Variants in BICRAL observed in about 807,000 individuals in gnomAD.
BICRAL encodes BICRA like chromatin remodeling complex associated protein, also known as BRD4-interacting chromatin-remodeling complex-associated protein-like.
Under a neutral mutation model 91.8 loss-of-function variants are expected in BICRAL, and 8 were observed. That is an observed-to-expected ratio of 0.09 (90% CI 0.05 to 0.16). The LOEUF is 0.16. Ranked by LOEUF, BICRAL falls within the 10% of genes least tolerant of loss-of-function variation. BICRAL has a pLI of 1.00. For missense variants in BICRAL, 1,038 were observed against 1,310.9 expected, an observed-to-expected ratio of 0.79 and a Z score of 3.21; for synonymous variants, 445 against 491.1, an observed-to-expected ratio of 0.91 and a Z score of 1.24.
intron 5 of BICRAL, among the ~76,000 whole-genome samples, chr6:42,826,491 T>C (rs1764307938): frequency 6.6e-6 from 1 of 151,988 alleles, no homozygotes; most frequent in East Asian, 1.9e-4. Flanking sequence ...CGCCTCGGCC[T>C]CCCAAAGTGC....
intron 6 of BICRAL, among the ~76,000 whole-genome samples, chr6:42,851,698 G>A (rs571113220): frequency 6.6e-6 from 1 of 152,266 alleles, no homozygotes; most frequent in East Asian, 1.9e-4. Flanking sequence ...CCAGGTGCTT[G>A]GAGTCTGTGC....
rs1426337749 is a variant in BICRAL at position 42,864,681 on chromosome 6, T to C, written c.2475T>C (p.Cys825=). ...CAGAGGGTTTTCAGGCTGATTTCTG[T>C]TGTTCCTTCAAACTTGATAAAGCTG... The part of the protein sequence containing the change: ...VDPEGFQADF[C]CSFKLDKAAH... Residue 825 remains cysteine (C), a synonymous_variant, in exon 13 of 13, where the codon TGT becomes TGC. Coordinates refer to ENST00000314073, the MANE Select transcript of BICRAL (RefSeq NM_001393499.1). 1 of 1,613,914 alleles carries C rather than the reference T, an allele frequency of 6.2e-7. No individual in the cohort carries two copies. The highest frequency in any genetic ancestry group is 8.5e-7 in the Non-Finnish European group (1 of 1,179,834).
intron 1 of BICRAL, among the ~76,000 whole-genome samples, chr6:42,798,055 A>G (rs1763461950): frequency 6.6e-6 from 1 of 152,218 alleles, no homozygotes; most frequent in South Asian, 2.1e-4. Context: ...GGATGGAGGC[A>G]GAGGTCATTA....
intron 1 of BICRAL, among the ~76,000 whole-genome samples, chr6:42,801,249 TAAA>T (rs386406867): frequency 3.7e-5 from 5 of 134,478 alleles, no homozygotes; most frequent in Non-Finnish European, 3.2e-5. Context: ...AGACTCTGTT[TAAA>T]AAAAAAAAAA....
chr6:42,838,472 G>A (rs763054162), intron 6 of BICRAL, among the ~76,000 whole-genome samples: 3 of 152,230 alleles, frequency 2.0e-5, no homozygotes, highest in Middle Eastern at 3.4e-3. Flanking sequence ...AGATTTCTCC[G>A]CAAGGGTCTC....
Position 42,829,315 on chromosome 6 carries a change from G to A in BICRAL, c.982G>A (p.Val328Met). ...IQMGQQNTYN[V>M]NNLGIQQHHV... ...GATGGGTCAGCAAAATACATACAAT[G>A]TGAACAATTTGGGAATTCAGCAGCA... Residue 328 changes from valine to methionine, a missense_variant, in exon 6 of 13, where the codon GTG (valine) becomes ATG (methionine). Val to Met is a conservative substitution (Grantham distance 21, BLOSUM62 1). Around this residue, in one of 5 missense-constraint regions of BICRAL, gnomAD observed 532 missense variants for 724.9 expected, o/e 0.73. Transcript: ENST00000314073. 4 of 1,614,208 alleles carry A rather than the reference G, an allele frequency of 2.5e-6. No homozygotes were observed. The highest frequency in any genetic ancestry group is 3.4e-6 in the Non-Finnish European group (4 of 1,180,046).
chr6:42,842,968 C>G (rs1010484018), intron 6 of BICRAL, among the ~76,000 whole-genome samples: 1 of 152,056 alleles, frequency 6.6e-6, no homozygotes, highest in African/African-American at 2.4e-5. Context: ...ATTCTCCTGC[C>G]TCAGCCTCCC....
chr6:42,769,518 C>T (rs547928730), intron 1 of BICRAL, among the ~76,000 whole-genome samples: 130 of 152,310 alleles, frequency 8.5e-4, no homozygotes, highest in Admixed American at 3.1e-3. Context: ...AGTTAGTTAC[C>T]ATATCTGGTC....
intron 2 of BICRAL, among the ~76,000 whole-genome samples, chr6:42,817,148 ATGTGTG>A (rs35347910): frequency 1.3e-4 from 19 of 148,300 alleles, no homozygotes; most frequent in Admixed American, 4.0e-4. Context: ...CATCATTTAT[ATGTGTG>A]TGTGTGTGTG....
chr6:42,816,515 G>A (rs1419463226), intron 2 of BICRAL, among the ~76,000 whole-genome samples: 2 of 152,030 alleles, frequency 1.3e-5, no homozygotes, highest in Admixed American at 1.3e-4. Flanking sequence ...CAACCTTCAT[G>A]TCCTGGGCTC....
chr6:42,852,784 A>G (rs998098657), intron 7 of BICRAL, among the ~76,000 whole-genome samples: 1 of 151,248 alleles, frequency 6.6e-6, no homozygotes, highest in Non-Finnish European at 1.5e-5. Context: ...AATTATGTGG[A>G]AAAAAAATAC....
chr6:42,778,751 C>T (rs899278866), upstream of BICRAL, among the ~76,000 whole-genome samples: 6 of 151,818 alleles, frequency 4.0e-5, no homozygotes, highest in South Asian at 2.1e-4. Flanking sequence ...GAGGCTGAGG[C>T]GGAAGGATCA....
intron 2 of BICRAL, among the ~76,000 whole-genome samples, chr6:42,813,596 T>G (rs190740406): frequency 6.6e-6 from 1 of 152,284 alleles, no homozygotes; most frequent in Non-Finnish European, 1.5e-5. Context: ...CACGGCTCAC[T>G]GCAGCCTCAA....
intron 1 of BICRAL, among the ~76,000 whole-genome samples, chr6:42,792,614 A>C (rs1053509648): frequency 4.0e-5 from 6 of 151,134 alleles, no homozygotes; most frequent in Non-Finnish European, 8.8e-5. Flanking sequence ...AGTGCAAATA[A>C]GTATATTTAG....
chr6:42,852,073 T>G lies in BICRAL; in HGVS notation c.1840-19T>G. 1 of 1,431,540 alleles carries G rather than the reference T, an allele frequency of 7.0e-7. No individual in the cohort carries two copies. The highest frequency in any genetic ancestry group is 1.2e-5 in the South Asian group (1 of 86,576). The allele number at this position is 1,431,540 out of a possible 1,614,324, so 88.7% of individuals were successfully genotyped here. ...TTTAGAAATGAAATTAATGTTTTCA[T>G]CTTTGTCATGTTTCACAGGCTCAGA... On this transcript the variant is annotated intron_variant, in intron 6 of 12. Transcript: ENST00000314073.
In BICRAL at chr6:42,841,782, G is replaced by A. The variant is rs556888429; in HGVS notation, c.1840-10310G>A. Among the ~76,000 whole-genome samples the A allele has an allele frequency of 4.6e-5, 7 of 152,224 alleles. No individual in the cohort carries two copies. In the South Asian group the frequency reaches 1.0e-3, roughly 23 times the overall value. On this transcript the variant is annotated intron_variant, in intron 6 of 12. Transcript: ENST00000314073. The stretch of plus-strand genomic sequence containing the variant: ...GGCTCCACACACTATTTCTAATTAC[G>A]TTGGAGCTACATGTAGCATTATTGT...
intron 2 of BICRAL, among the ~76,000 whole-genome samples, chr6:42,815,984 C>CAAA (rs746928245): frequency 3.6e-4 from 14 of 39,210 alleles, no homozygotes; most frequent in East Asian, 1.9e-3. Flanking sequence ...AACTCTGTCT[C>CAAA]AAAAAAAAAA....
intron 1 of BICRAL, among the ~76,000 whole-genome samples, chr6:42,749,381 G>A (rs574224445): frequency 2.6e-5 from 4 of 152,256 alleles, no homozygotes; most frequent in Admixed American, 2.0e-4. Flanking sequence ...GTTACCAGAG[G>A]CTGGGAAGTG....
At chr6:42,857,400 T>C (rs1357157082) in intron 10 of BICRAL, among the ~76,000 whole-genome samples, 164 bp downstream of exon 10, 1 of 151,732 alleles carries the variant, frequency 6.6e-6, no homozygotes, top group Non-Finnish European at 1.5e-5. Flanking sequence ...CAGTCCATGT[T>C]TAAGGTTGTG....
Sources: allele counts gnomAD v4.1 joint callset (sites outside exome capture counted in the v4.1 genomes callset), GRCh38; gene constraint gnomAD v4.1.1; regional missense constraint gnomAD v4.1.1; transcripts MANE v1.5; gene names NCBI Gene and HGNC (gene_info 2026-07-23, HGNC 2026-07-21).